CTNNA3: variants seen among roughly 807,000 people sequenced by gnomAD.
CTNNA3 encodes catenin alpha 3, also known as catenin alpha-3.
Under a neutral mutation model 95.7 loss-of-function variants are expected in CTNNA3, and 76 were observed. That is an observed-to-expected ratio of 0.79 (90% CI 0.66 to 0.96). The LOEUF (loss-of-function observed/expected upper bound fraction) is 0.96, where lower values mean the gene tolerates loss of function less well. Among genes scored for constraint, CTNNA3 ranks in the 40% least tolerant of loss-of-function variants. The pLI, the probability that CTNNA3 is intolerant of heterozygous loss-of-function variation, is 0.00. For synonymous variants in CTNNA3, 431 were observed against 374.4 expected, an observed-to-expected ratio of 1.15 and a Z score of -1.74; for missense variants, 1,191 against 1,089.8, an observed-to-expected ratio of 1.09 and a Z score of -1.31.
intron 7 of CTNNA3, among the ~76,000 whole-genome samples, chr10:67,115,761 A>C (rs973070630): frequency 6.6e-6 from 1 of 151,886 alleles, no homozygotes; most frequent in Admixed American, 6.6e-5. Flanking sequence ...GAGAGAGGGC[A>C]AAAGTTGGGT....
intron 7 of CTNNA3, among the ~76,000 whole-genome samples, chr10:66,806,655 A>T (rs1841654939): frequency 6.6e-6 from 1 of 151,950 alleles, no homozygotes; most frequent in Admixed American, 6.6e-5. Flanking sequence ...TGGAAGGCTA[A>T]GACTTTCCTG....
intron 15 of CTNNA3, among the ~76,000 whole-genome samples, chr10:66,013,004 G>A (rs527856812): frequency 6.6e-5 from 10 of 152,116 alleles, no homozygotes; most frequent in Admixed American, 1.3e-4. Flanking sequence ...TGGTTCAAGC[G>A]ATTCTCCTTC....
chr10:67,394,870 G>C (rs1844658005), intron 5 of CTNNA3, among the ~76,000 whole-genome samples: 1 of 151,954 alleles, frequency 6.6e-6, no homozygotes, highest in African/African-American at 2.4e-5. Flanking sequence ...AAATTGAAAA[G>C]CTATCATAAG....
chr10:66,673,514 G>A (rs1477728605), intron 9 of CTNNA3, among the ~76,000 whole-genome samples: 1 of 151,978 alleles, frequency 6.6e-6, no homozygotes, highest in African/African-American at 2.4e-5. Context: ...CACCAGGCTT[G>A]CTCCAATACT....
At chr10:67,072,091 T>C (rs1012524241) in intron 7 of CTNNA3, among the ~76,000 whole-genome samples, 2 of 152,216 alleles carry the variant, frequency 1.3e-5, no homozygotes, top group African/African-American at 2.4e-5. Context: ...TAGCTGGGAT[T>C]ACAGACATGC....
At chr10:67,733,206 T>A (rs1159746493) in intron 1 of CTNNA3, among the ~76,000 whole-genome samples, 2 of 152,180 alleles carry the variant, frequency 1.3e-5, no homozygotes, top group African/African-American at 4.8e-5. Flanking sequence ...AAAATTAATA[T>A]TTAAAGCTAA....
intron 9 of CTNNA3, among the ~76,000 whole-genome samples, chr10:66,746,970 A>G (rs1212092878): frequency 2.6e-5 from 4 of 152,198 alleles, no homozygotes; most frequent in Non-Finnish European, 5.9e-5. Flanking sequence ...CATACTTTAT[A>G]GATTTTTAGT....
At chr10:66,855,117 A>G (rs1047797551) in intron 7 of CTNNA3, among the ~76,000 whole-genome samples, 1 of 151,992 alleles carries the variant, frequency 6.6e-6, no homozygotes, top group Non-Finnish European at 1.5e-5. Flanking sequence ...GTAAGAAGTT[A>G]TCACACTCAC....
At chr10:66,723,828 C>A (rs942574696) in intron 9 of CTNNA3, among the ~76,000 whole-genome samples, 3 of 152,064 alleles carry the variant, frequency 2.0e-5, no homozygotes, top group African/African-American at 4.8e-5. Flanking sequence ...AAAATCCAGG[C>A]AGTGTTAGAA....
At chr10:66,683,746 C>T (rs1009805552) in intron 9 of CTNNA3, among the ~76,000 whole-genome samples, 3 of 152,124 alleles carry the variant, frequency 2.0e-5, no homozygotes, top group African/African-American at 7.2e-5. Context: ...TAAATTGTCA[C>T]ACTTGGCAAA....
At chr10:66,684,371 T>C (rs774900259) in intron 9 of CTNNA3, among the ~76,000 whole-genome samples, 1 of 152,176 alleles carries the variant, frequency 6.6e-6, no homozygotes, top group African/African-American at 2.4e-5. Context: ...AAGTATATTA[T>C]GGGGTAAAAT....
At chr10:66,690,595 G>A (rs1304022409) in intron 9 of CTNNA3, among the ~76,000 whole-genome samples, 1 of 151,602 alleles carries the variant, frequency 6.6e-6, no homozygotes, top group African/African-American at 2.4e-5. Context: ...TTGTTCTTGC[G>A]ATAGTTTACT....
chr10:66,481,763 G>A (rs1036190257), intron 11 of CTNNA3, among the ~76,000 whole-genome samples: 12 of 134,484 alleles, frequency 8.9e-5, no homozygotes, highest in Middle Eastern at 3.4e-3. Flanking sequence ...GAGCCACCGC[G>A]TTGTTTCTTG....
chr10:67,195,248 T>C (rs954404889), intron 6 of CTNNA3, among the ~76,000 whole-genome samples: 1 of 152,028 alleles, frequency 6.6e-6, no homozygotes, highest in African/African-American at 2.4e-5. Context: ...TTTTTACTAA[T>C]GAAATAAATA....
chr10:66,860,900 T>C (rs1843894740), intron 7 of CTNNA3, among the ~76,000 whole-genome samples: 1 of 152,190 alleles, frequency 6.6e-6, no homozygotes, highest in Admixed American at 6.5e-5. Flanking sequence ...TCAAGCTGGA[T>C]AAATGGCCCA....
At chr10:66,489,295 A>G (rs1461033288) in intron 11 of CTNNA3, among the ~76,000 whole-genome samples, 1 of 152,172 alleles carries the variant, frequency 6.6e-6, no homozygotes, top group Non-Finnish European at 1.5e-5. Flanking sequence ...AGTTCATGAG[A>G]GAGTTTCAGT....
At chr10:66,389,703 G>A (rs1176503004) in intron 11 of CTNNA3, among the ~76,000 whole-genome samples, 2 of 145,692 alleles carry the variant, frequency 1.4e-5, no homozygotes, top group African/African-American at 5.2e-5. Context: ...TAGTTGTTCA[G>A]TTTCATTCAT....
intron 5 of CTNNA3, among the ~76,000 whole-genome samples, chr10:67,401,688 G>T (rs10997632): frequency 0.048 from 7,338 of 152,200 alleles, 209 homozygotes; most frequent in South Asian, 0.098. Flanking sequence ...TGATGAGGGG[G>T]TCATCTATTT....
chr10:67,097,574 C>T, intron 7 of CTNNA3: 1 of 1,609,998 alleles, frequency 6.2e-7, no homozygotes, highest in Non-Finnish European at 8.5e-7. Flanking sequence ...TTTCTCATGT[C>T]ATTTTTCCCC....
Sources: allele counts gnomAD v4.1 joint callset (sites outside exome capture counted in the v4.1 genomes callset), GRCh38; gene constraint gnomAD v4.1.1; transcripts MANE v1.5; gene names NCBI Gene and HGNC (gene_info 2026-07-23, HGNC 2026-07-21).